The following WNK4 variants were observed in gnomAD, a reference collection of about 807,000 sequenced individuals.
WNK4 encodes serine/threonine-protein kinase WNK4.
In WNK4, 94 loss-of-function variants were observed where a neutral mutation model predicts 116.2. The ratio of observed to expected loss-of-function variants is 0.81; its 90% CI spans 0.68 to 0.96. The LOEUF (loss-of-function observed/expected upper bound fraction) is 0.96, where lower values mean the gene tolerates loss of function less well. Among genes scored for constraint, WNK4 ranks in the 40% least tolerant of loss-of-function variants. WNK4 has a pLI of 0.00. For missense variants in WNK4, 1,542 were observed against 1,650.6 expected (o/e 0.93, Z 1.14); for synonymous variants, 655 against 672.7 (o/e 0.97, Z 0.41).
chr17:42,783,668 G>C, intron 2 of WNK4: 1 of 561,370 alleles, frequency 1.8e-6, no homozygotes, highest in East Asian at 3.1e-5. Flanking sequence ...GCTTGGGGCA[G>C]TTAGTCATCC....
chr17:42,787,744 T>TC, intron 7 of WNK4, 34 bp from the exon 8 acceptor site: 1 of 1,608,378 alleles, frequency 6.2e-7, no homozygotes, highest in East Asian at 2.2e-5. Context: ...CCCTTTTATT[T>TC]CCCCTTTTTT....
chr17:42,786,585 G>T (rs1201243259), intron 6 of WNK4, among the ~76,000 whole-genome samples: 2 of 152,168 alleles, frequency 1.3e-5, no homozygotes, highest in East Asian at 3.8e-4. Context: ...TAGGAACGGG[G>T]TTTCACCATG....
Position 42,782,856 on chromosome 17 carries a change from G to A in WNK4, c.717G>A (p.Ser239=), listed in dbSNP as rs765644398. 6.8e-6 allele frequency: 11 copies of A among 1,614,058 alleles called. No homozygotes were observed. Among genetic ancestry groups the A allele is most frequent in the African/African-American group, 6.7e-5 (5 of 74,914 alleles). Residue 239 remains serine, a synonymous_variant, in exon 2 of 19, where the codon TCG becomes TCA. Coordinates refer to ENST00000246914, the MANE Select transcript of WNK4 (RefSeq NM_032387.5). This position sits in a 1 kb window ranked among gnomAD's most constrained non-coding sequence, Gnocchi z 4.2. The part of the protein sequence containing the change: ...QHPNIVRFYD[S]WKSVLRGQVC... ...CCAACATCGTCCGCTTCTATGATTC[G>A]TGGAAGTCGGTGCTGAGGGGCCAGG...
At chr17:42,794,481 C>T in intron 12 of WNK4, 133 bp from the exon 13 acceptor site, 1 of 935,930 alleles carries the variant, frequency 1.1e-6, no homozygotes, top group Non-Finnish European at 1.7e-6. Flanking sequence ...AGCACATATG[C>T]TTCTGAATCC....
chr17:42,780,983 G>T lies in WNK4; in HGVS notation c.285G>T (p.Ala95=). The change falls in exon 1 of 19, where the codon GCG becomes GCT. Residue 95 remains alanine, a synonymous_variant. Transcript: ENST00000246914. ...CGGACTCCGCTGGTCCTGGCCCCGC[G>T]AGGAGCCCACCGCCTAGCTCCAAAG... ...DPPDSAGPGP[A]RSPPPSSKEP... 1.2e-6 allele frequency: 2 copies of T among 1,610,200 alleles called. No individual in the cohort carries two copies.
intron 11 of WNK4, among the ~76,000 whole-genome samples, chr17:42,789,875 A>G (rs1289205248): frequency 6.6e-6 from 1 of 150,702 alleles, no homozygotes; most frequent in Non-Finnish European, 1.5e-5. Context: ...GTGTGGCGGC[A>G]CATGCCTGTC....
Position 42,787,460 on chromosome 17 carries a change from C to T in WNK4, c.1659C>T (p.Val553=), listed in dbSNP as rs777042482. 2.1e-4 allele frequency: 284 copies of T among 1,361,226 alleles called. No individual in the cohort carries two copies. In the Admixed American group the frequency reaches 5.2e-3, roughly 25 times the overall value. The allele number at this position is 1,361,226 out of a possible 1,614,324, so 84.3% of individuals were successfully genotyped here. A position where few individuals can be genotyped will look rare whatever the true frequency, so the allele number is the denominator to read the frequency against. The change falls in exon 7 of 19, where the codon GTC becomes GTT. Residue 553 remains valine, a synonymous_variant. Coordinates refer to ENST00000246914, the MANE Select transcript of WNK4 (RefSeq NM_032387.5). ...TVPMAPGPPS[V]FPPEPEEPEA... Reference sequence around the variant, plus strand: ...CCATGGCCCCCGGTCCCCCCAGTGTCTTCCCCCCTGAGCCTGAGGAGCCAG... The same window carrying T: ...CCATGGCCCCCGGTCCCCCCAGTGTTTTCCCCCCTGAGCCTGAGGAGCCAG...
At position 42,796,916 on chromosome 17, in the gene WNK4, A is replaced by T; in HGVS notation, c.*228A>T. On this transcript the variant is annotated 3_prime_UTR_variant, in exon 19 of 19. Transcript: ENST00000246914. ...GTTAGTTCTGCTGCCTACCATCTTC[A>T]TCTCTAGCACCTCCCCTGCCAAGAG... 1.2e-6 allele frequency: 1 copy of T among 805,158 alleles called. No individual in the cohort carries two copies. The highest frequency in any genetic ancestry group is 1.9e-6 in the Non-Finnish European group (1 of 521,804). 49.9% of individuals were successfully genotyped at this position (805,158 alleles called of 1,614,324 possible). A position where few individuals can be genotyped will look rare whatever the true frequency, so the allele number is the denominator to read the frequency against.
Position 42,795,441 on chromosome 17 carries a change from C to G in WNK4, c.2962-20C>G. 2 of 1,614,194 alleles carry G rather than the reference C, an allele frequency of 1.2e-6. No individual in the cohort carries two copies. The highest frequency in any genetic ancestry group is 4.5e-5 in the East Asian group (2 of 44,880). ...ACTCCACTCTGCACTCTTCCCTTCT[C>G]ATGGCCCCCCACTTTCTAGGCCTCA... is the stretch of plus-strand genomic sequence containing the variant. On this transcript the variant is annotated intron_variant, in intron 14 of 18. Transcript: ENST00000246914.
Position 42,796,172 on chromosome 17 carries a change from GA to G in WNK4, c.3483del (p.Asp1162IlefsTer57). 1.2e-6 allele frequency: 2 copies of G among 1,614,112 alleles called. No homozygotes were observed. The highest frequency in any genetic ancestry group is 1.7e-6 in the Non-Finnish European group (2 of 1,180,020). ...TLQTLQKKEIEDLYSRLGKQP... is the reference protein window; with the variant it reads ...TLQTLQKKEIXDLYSRLGKQP... ...ACAGACACTACAGAAAAAAGAAATT[GA>G]AGATTTGTACAGCCGGCTGGGGAAG... On this transcript the variant is annotated frameshift_variant, in exon 17 of 19. Transcript: ENST00000246914. LOFTEE classifies it high-confidence loss of function.
intron 13 of WNK4, 36 bp downstream of exon 13, chr17:42,794,704 C>T: frequency 6.2e-7 from 1 of 1,613,854 alleles, no homozygotes; most frequent in African/African-American, 1.3e-5. Flanking sequence ...CATCCCAACC[C>T]CTGGGGTTGC....
In WNK4 at chr17:42,796,001, G is replaced by A; in HGVS notation, c.3399G>A (p.Glu1133=). Residue 1133 remains glutamate (E), a synonymous_variant, in exon 16 of 19, where the codon GAG becomes GAA. Coordinates refer to ENST00000246914, the MANE Select transcript of WNK4 (RefSeq NM_032387.5). ...EESESSGEDE[E]FWAELQSLRQ... Reference sequence around the variant, plus strand: ...CAGAAAGCAGTGGGGAAGATGAGGAGTTCTGGGCTGAGCTGCAGAGTCTTC... The same window carrying A: ...CAGAAAGCAGTGGGGAAGATGAGGAATTCTGGGCTGAGCTGCAGAGTCTTC... 6.2e-7 allele frequency: 1 copy of A among 1,613,856 alleles called. No individual in the cohort carries two copies. The highest frequency in any genetic ancestry group is 1.3e-5 in the African/African-American group (1 of 75,028).
chr17:42,791,499 C>T (rs562083103), intron 11 of WNK4, among the ~76,000 whole-genome samples: 9 of 152,056 alleles, frequency 5.9e-5, no homozygotes, highest in Non-Finnish European at 7.4e-5. Flanking sequence ...ATTAGCTGGG[C>T]GTGGTGGCGC....
chr17:42,795,167 C>A lies in WNK4; in HGVS notation c.2746C>A (p.Pro916Thr), dbSNP rs550427893. The part of the protein sequence containing the change: ...FPPCPSTSSF[P>T]STTAAPLLSL... ...TCCGTGCCCCTCCACTTCTTCCTTC[C>A]CCTCCACCACAGCAGCCCCTCTCCT... The change falls in exon 14 of 19, where the codon CCC becomes ACC. Residue 916 changes from proline (P) to threonine (T), a missense_variant. Around this residue, in one of 7 missense-constraint regions of WNK4, gnomAD observed 292 missense variants for 290.1 expected, o/e 1.01. Coordinates refer to ENST00000246914, the MANE Select transcript of WNK4 (RefSeq NM_032387.5). 7.4e-6 allele frequency: 12 copies of A among 1,614,058 alleles called. No homozygotes were observed. In the South Asian group the frequency reaches 1.3e-4, roughly 18 times the overall value.
rs753921666 is a variant in WNK4 at position 42,785,626 on chromosome 17, C to CCCTA, written c.1476+148_1476+151dup. On this transcript the variant is annotated intron_variant, in intron 6 of 18. Transcript: ENST00000246914. Reference sequence around the variant, plus strand: ...CCTCTCAAAATCTCCTGCAGCGTCTCCCTACCTCTCCAGCCCTAACTTACC... The same window carrying CCCTA: ...CCTCTCAAAATCTCCTGCAGCGTCTCCCTACCTACCTCTCCAGCCCTAACTTACC... 5.8e-4 allele frequency: 609 copies of CCCTA among 1,055,660 alleles called. 4 individuals are homozygous for CCCTA. The highest frequency in any genetic ancestry group is 1.8e-3 in the South Asian group (122 of 67,370). 65.4% of individuals were successfully genotyped at this position (1,055,660 alleles called of 1,614,324 possible).
In WNK4 at chr17:42,795,235, C is replaced by G. The variant is rs1204473276; in HGVS notation, c.2814C>G (p.Ala938=). The part of the protein sequence containing the change: ...SAFSLAVMTV[A]QSLLSPSPGL... Reference sequence around the variant, plus strand: ...TCTCACTGGCTGTGATGACTGTGGCCCAGTCCCTGCTGTCCCCCTCACCTG... The same window carrying G: ...TCTCACTGGCTGTGATGACTGTGGCGCAGTCCCTGCTGTCCCCCTCACCTG... The change falls in exon 14 of 19, where the codon GCC becomes GCG. Residue 938 remains alanine (A), a synonymous_variant. Coordinates refer to ENST00000246914, the MANE Select transcript of WNK4 (RefSeq NM_032387.5). 1 of 1,613,918 alleles carries G rather than the reference C, an allele frequency of 6.2e-7. No homozygotes were observed. The highest frequency in any genetic ancestry group is 8.5e-7 in the Non-Finnish European group (1 of 1,179,944).
At chr17:42,791,680 C>T (rs990554143) in intron 11 of WNK4, among the ~76,000 whole-genome samples, 4 of 150,874 alleles carry the variant, frequency 2.7e-5, no homozygotes, top group African/African-American at 4.9e-5. Context: ...TTGAATAGGC[C>T]GGGCGCAGTG....
At position 42,789,701 on chromosome 17, in the gene WNK4, T is replaced by G. The variant is rs1039677291; in HGVS notation, c.2157+904T>G. Among the ~76,000 whole-genome samples, 3 of 144,880 alleles carry G rather than the reference T, an allele frequency of 2.1e-5. No homozygotes were observed. In the Admixed American group the frequency reaches 2.1e-4, roughly 10 times the overall value. On this transcript the variant is annotated intron_variant, in intron 11 of 18. Transcript: ENST00000246914. ...ATAAATAAATAAATAAATAAATAAA[T>G]AAATAAATAGAGAGGCAGAGCAGGC...
chr17:42,784,373 GAC>G lies in WNK4; in HGVS notation c.1013-48_1013-47del. On this transcript the variant is annotated intron_variant, in intron 3 of 18. Coordinates refer to ENST00000246914, the MANE Select transcript of WNK4 (RefSeq NM_032387.5). The surrounding 1 kb of genome is among the most constrained non-coding windows in gnomAD (Gnocchi z 4.4). ...TGGGGCTGCCTAGCCCAGTGGGAAG[GAC>G]GAGGCCAGAGTGCCCAGCAATCTGA... 1 of 1,601,154 alleles carries G rather than the reference GAC, an allele frequency of 6.2e-7. No homozygotes were observed.
Sources: allele counts gnomAD v4.1 joint callset (sites outside exome capture counted in the v4.1 genomes callset), GRCh38; gene constraint gnomAD v4.1.1; regional missense constraint gnomAD v4.1.1; non-coding constraint Gnocchi (gnomAD v3.1); transcripts MANE v1.5; gene names NCBI Gene and HGNC (gene_info 2026-07-23, HGNC 2026-07-21).